The following DLC1 variants were observed in gnomAD, a reference collection of about 807,000 sequenced individuals.
DLC1 encodes the protein DLC1 Rho GTPase activating protein.
In DLC1, 54 loss-of-function variants were observed where a neutral mutation model predicts 140.3. The ratio of observed to expected loss-of-function variants is 0.38; its 90% confidence interval spans 0.31 to 0.48. The LOEUF (loss-of-function observed/expected upper bound fraction) is 0.48. Among genes scored for constraint, DLC1 ranks in the 20% least tolerant of loss-of-function variants. The pLI is 0.96. For missense variants in DLC1, 2,536 were observed against 1,907.0 expected (o/e 1.33, Z -6.14); for synonymous variants, 986 against 728.1 (o/e 1.35, Z -5.70).
rs535092622 is a variant in DLC1, at chr8:13,345,547, C to CTTTTTTTTTTTTTT, written c.1315-40259_1315-40246dup. 1.3e-3 allele frequency among the ~76,000 whole-genome samples: 86 copies of CTTTTTTTTTTTTTT among 67,510 alleles called. 9 individuals carry two copies. The highest frequency in any genetic ancestry group is 2.5e-3 in the African/African-American group (41 of 16,308). 44.3% of individuals were successfully genotyped at this position (67,510 alleles called of 152,430 possible). On this transcript the variant is annotated intron_variant, in intron 4 of 17. Transcript: ENST00000276297. ...GATTATCTGAAATTTTTCACTCACACTTTTTTTTTTTTTTTTTTTTTTTGG... is the reference window on the plus strand; with the variant it reads ...GATTATCTGAAATTTTTCACTCACACTTTTTTTTTTTTTTTTTTTTTTTTTTTTTTTTTTTTTGG...
intron 4 of DLC1, among the ~76,000 whole-genome samples, chr8:13,331,695 C>T (rs1446106927): frequency 1.3e-5 from 2 of 152,042 alleles, no homozygotes; most frequent in Admixed American, 6.5e-5. Flanking sequence ...AAAATCCCCA[C>T]CAAATCCAAG....
intron 4 of DLC1, among the ~76,000 whole-genome samples, chr8:13,368,304 G>T (rs1056180261): frequency 2.6e-5 from 4 of 151,538 alleles, no homozygotes; most frequent in Non-Finnish European, 5.9e-5. Flanking sequence ...AAATTCATAC[G>T]TTCCTTTCTT....
intron 3 of DLC1, among the ~76,000 whole-genome samples, chr8:13,398,119 GA>G (rs753153582): frequency 6.0e-5 from 8 of 133,398 alleles, no homozygotes; most frequent in Admixed American, 3.1e-4. Context: ...GACAGAGCGA[GA>G]GTCCATCTCA....
chr8:13,446,133 C>G (rs190207439), intron 2 of DLC1, among the ~76,000 whole-genome samples: 10 of 152,270 alleles, frequency 6.6e-5, no homozygotes, highest in East Asian at 3.9e-4. Context: ...AACTCTCCCC[C>G]CCTCTGTGTT....
chr8:13,150,234 C>CT (rs1406979084), intron 5 of DLC1, among the ~76,000 whole-genome samples: 1 of 152,122 alleles, frequency 6.6e-6, no homozygotes, highest in East Asian at 1.9e-4. Context: ...TTGTAATGCC[C>CT]TTTTTTTATA....
rs968200236 is a variant in DLC1 at position 13,461,398 on chromosome 8, C to T, written c.1023+37651G>A. 4.6e-5 allele frequency among the ~76,000 whole-genome samples: 7 copies of T among 152,264 alleles called. No individual in the cohort carries two copies. In the South Asian group the frequency reaches 8.3e-4, roughly 18 times the overall value. ...AACATGTACAGGAGCTTCCCTCCAC[C>T]CCTTTATAAACATTAATGTATTTGC... On this transcript the variant is annotated intron_variant, in intron 2 of 17. Coordinates refer to ENST00000276297, the MANE Select transcript of DLC1 (RefSeq NM_182643.3).
intron 1 of DLC1, chr8:13,567,910 C>T (rs1345024527): frequency 6.4e-7 from 1 of 1,551,696 alleles, no homozygotes; most frequent in Non-Finnish European, 8.7e-7. Flanking sequence ...GCGACTTACT[C>T]TAATCAAACC....
chr8:13,141,208 T>C (rs1007931510), intron 5 of DLC1, among the ~76,000 whole-genome samples: 6 of 138,366 alleles, frequency 4.3e-5, no homozygotes, highest in African/African-American at 5.6e-5. Flanking sequence ...TGAGCCGAGA[T>C]TGCGCCATTG....
intron 2 of DLC1, among the ~76,000 whole-genome samples, chr8:13,432,105 A>G (rs1838908141): frequency 1.3e-5 from 2 of 151,964 alleles, no homozygotes; most frequent in Non-Finnish European, 2.9e-5. Context: ...AAAATGATGG[A>G]GCAAATCAAA....
rs189548657 is a variant in DLC1 at position 13,474,137 on chromosome 8, G to T, written c.1023+24912C>A. Among the ~76,000 whole-genome samples, 12 of 152,292 alleles carry T rather than the reference G, an allele frequency of 7.9e-5. 1 individual carries two copies. The highest frequency in any genetic ancestry group is 2.9e-4 in the African/African-American group (12 of 41,560). On this transcript the variant is annotated intron_variant, in intron 2 of 17. Transcript: ENST00000276297. ...GAGGAAGAAATGGTTTTGTGGGCCA[G>T]GCCCAGGGTCCTCATGCTGTGTGCA...
intron 8 of DLC1, 58 bp downstream of exon 8, chr8:13,102,732 T>C: frequency 1.4e-6 from 2 of 1,451,864 alleles, no homozygotes; most frequent in Middle Eastern, 1.7e-4. Context: ...AAACACATCA[T>C]TCACTTTTTT....
chr8:13,470,580 C>T (rs137867467), intron 2 of DLC1, among the ~76,000 whole-genome samples: 158 of 152,264 alleles, frequency 1.0e-3, no homozygotes, highest in African/African-American at 3.7e-3. Flanking sequence ...TACCCCACAC[C>T]TGTTGGGATG....
At chr8:13,087,204 C>A (rs962404637) in intron 16 of DLC1, among the ~76,000 whole-genome samples, 2 of 152,144 alleles carry the variant, frequency 1.3e-5, no homozygotes, top group African/African-American at 4.8e-5. Context: ...AGTTTTGAGA[C>A]CAGCCTGGAC....
intron 5 of DLC1, among the ~76,000 whole-genome samples, chr8:13,132,621 C>T (rs1822204675): frequency 6.6e-6 from 1 of 152,244 alleles, no homozygotes; most frequent in South Asian, 2.1e-4. Context: ...CGCGAGCCCC[C>T]GCCCGGCTCA....
chr8:13,227,776 T>C (rs117300335), intron 5 of DLC1, among the ~76,000 whole-genome samples: 5 of 152,348 alleles, frequency 3.3e-5, no homozygotes, highest in African/African-American at 4.8e-5. Flanking sequence ...TATTGTGACA[T>C]AGACACTTGT....
At chr8:13,295,938 CTTTGTTTTTTTTTTTTT>C (rs1334575978) in intron 5 of DLC1, among the ~76,000 whole-genome samples, 1,020 of 53,360 alleles carry the variant, frequency 0.019, 74 homozygotes, top group Admixed American at 0.16. Context: ...AGATAAGATT[CTTTGTTTTTTTTTTTTT>C]TTTTTTTTTT....
At chr8:13,105,501 C>A (rs1215873931) in intron 7 of DLC1, among the ~76,000 whole-genome samples, 1 of 151,962 alleles carries the variant, frequency 6.6e-6, no homozygotes, top group African/African-American at 2.4e-5. Flanking sequence ...GGAAATGGGG[C>A]TCAGGGAGGT....
chr8:13,155,228 C>T (rs1469497144), intron 5 of DLC1, among the ~76,000 whole-genome samples: 1 of 150,686 alleles, frequency 6.6e-6, no homozygotes, highest in Non-Finnish European at 1.5e-5. Context: ...ATGGCTATAT[C>T]CTAATTATTT....
intron 1 of DLC1, among the ~76,000 whole-genome samples, chr8:13,539,618 A>C (rs1262938033): frequency 6.6e-6 from 1 of 152,052 alleles, no homozygotes; most frequent in Non-Finnish European, 1.5e-5. Context: ...TCTGTCCCTC[A>C]CCAGCAACTG....
Sources: allele counts gnomAD v4.1 joint callset (sites outside exome capture counted in the v4.1 genomes callset), GRCh38; gene constraint gnomAD v4.1.1; transcripts MANE v1.5; gene names NCBI Gene and HGNC (gene_info 2026-07-23, HGNC 2026-07-21).